Variants in AGMO observed in about 807,000 individuals in gnomAD.
AGMO encodes the protein glyceryl-ether monooxygenase.
Under a neutral mutation model 60.2 loss-of-function variants are expected in AGMO, and 75 were observed. The ratio of observed to expected loss-of-function variants is 1.25; its 90% CI spans 1.03 to 1.51. The LOEUF is 1.51. Ranked by LOEUF, AGMO falls within the 40% of genes most tolerant of loss-of-function variation. The pLI is 0.00. For missense variants in AGMO, 763 were observed against 525.5 expected (o/e 1.45, Z -4.42); for synonymous variants, 261 against 177.1 (o/e 1.47, Z -3.76).
Position 15,520,075 on chromosome 7 carries a change from C to T in AGMO, c.409+24697G>A, listed in dbSNP as rs1783938401. ...AGTCTCTGATAAAACATATTTTACA[C>T]CAACAAAGATCAAAAAAGACAAAGA... On this transcript the variant is annotated intron_variant, in intron 3 of 12. Transcript: ENST00000342526. 5.3e-5 allele frequency among the ~76,000 whole-genome samples: 8 copies of T among 150,190 alleles called. No individual in the cohort carries two copies. The South Asian group carries it at 1.7e-3, about 31-fold the overall frequency.
intron 12 of AGMO, among the ~76,000 whole-genome samples, chr7:15,287,050 T>C (rs914813138): frequency 1.3e-5 from 2 of 152,108 alleles, no homozygotes; most frequent in African/African-American, 4.8e-5. Context: ...CAGAGTGGTA[T>C]AATGGACTTT....
At chr7:15,133,779 T>G in the AGMO span, among the ~76,000 whole-genome samples, 3 of 152,028 alleles carry the variant, frequency 2.0e-5, no homozygotes, top group South Asian at 6.2e-4. Context: ...CAGGTGAGAG[T>G]TGGAGGTGAG....
chr7:15,549,553 A>G (rs1252507565), intron 2 of AGMO, among the ~76,000 whole-genome samples: 1 of 151,408 alleles, frequency 6.6e-6, no homozygotes, highest in Admixed American at 6.6e-5. Context: ...ACCAACAAAG[A>G]TCAAAAGAGA....
At chr7:15,371,278 T>C (rs1783201221) in intron 10 of AGMO, among the ~76,000 whole-genome samples, 1 of 152,172 alleles carries the variant, frequency 6.6e-6, no homozygotes, top group South Asian at 2.1e-4. Context: ...TGTAGTGTAA[T>C]GGCACCATCT....
intron 12 of AGMO, among the ~76,000 whole-genome samples, chr7:15,285,221 T>C (rs926931102): frequency 1.3e-5 from 2 of 151,528 alleles, no homozygotes; most frequent in African/African-American, 2.4e-5. Context: ...CCTGAAGTCC[T>C]AGCTAGAACA....
chr7:15,297,497 T>C (rs2128524458), intron 12 of AGMO, among the ~76,000 whole-genome samples: 1 of 152,276 alleles, frequency 6.6e-6, no homozygotes, highest in Admixed American at 6.5e-5. Flanking sequence ...AACATGCAGA[T>C]TTTGAAAGAA....
chr7:15,331,596 G>C (rs1583417009), intron 12 of AGMO, among the ~76,000 whole-genome samples: 2 of 151,990 alleles, frequency 1.3e-5, no homozygotes, highest in East Asian at 3.9e-4. Flanking sequence ...TCTCCTTTTT[G>C]GCTGAGATAG....
chr7:15,538,877 A>C (rs1784545228), intron 3 of AGMO, among the ~76,000 whole-genome samples: 1 of 152,176 alleles, frequency 6.6e-6, no homozygotes, highest in African/African-American at 2.4e-5. Flanking sequence ...TAACTACACA[A>C]AAATTGTGAT....
intron 12 of AGMO, among the ~76,000 whole-genome samples, chr7:15,332,359 G>A (rs920928261): frequency 5.9e-5 from 9 of 152,124 alleles, no homozygotes; most frequent in African/African-American, 7.2e-5. Context: ...CATCTAAACT[G>A]TTAAACGTAA....
intron 12 of AGMO, among the ~76,000 whole-genome samples, chr7:15,210,454 T>G (rs1781556776): frequency 6.6e-6 from 1 of 152,134 alleles, no homozygotes; most frequent in African/African-American, 2.4e-5. Flanking sequence ...TGTATTCACT[T>G]TCTGGATTTG....
chr7:15,132,813 C>T, the AGMO span, among the ~76,000 whole-genome samples: 1 of 152,178 alleles, frequency 6.6e-6, no homozygotes, highest in African/African-American at 2.4e-5. Flanking sequence ...AGGTTTTTCC[C>T]TTATTTGTTT....
rs115250650 is a variant in AGMO at position 15,353,268 on chromosome 7, T to C, written c.1263+12246A>G. Among the ~76,000 whole-genome samples, 499 of 152,310 alleles carry C rather than the reference T, an allele frequency of 3.3e-3. 2 individuals carry two copies. The highest frequency in any genetic ancestry group is 0.011 in the African/African-American group (458 of 41,554). On this transcript the variant is annotated intron_variant, in intron 12 of 12. Coordinates refer to ENST00000342526, the MANE Select transcript of AGMO (RefSeq NM_001004320.2). ...AATAATAGGACAGCCATGAAAAATGTAGAGATGTGTCAACAGGGTGGAAAC... is the reference window on the plus strand; with the variant it reads ...AATAATAGGACAGCCATGAAAAATGCAGAGATGTGTCAACAGGGTGGAAAC...
At chr7:15,222,949 C>T (rs1466134861) in intron 12 of AGMO, among the ~76,000 whole-genome samples, 2 of 151,710 alleles carry the variant, frequency 1.3e-5, no homozygotes, top group East Asian at 1.9e-4. Context: ...TACAATTTTT[C>T]CAAAATGTCT....
At chr7:15,238,485 C>T (rs73279614) in intron 12 of AGMO, among the ~76,000 whole-genome samples, 7,787 of 151,728 alleles carry the variant, frequency 0.051, 734 homozygotes, top group African/African-American at 0.18. Context: ...CTGATTTGAT[C>T]ATTATACATT....
At chr7:15,363,129 A>C (rs923381559) in intron 12 of AGMO, among the ~76,000 whole-genome samples, 7 of 152,182 alleles carry the variant, frequency 4.6e-5, no homozygotes, top group African/African-American at 1.7e-4. Flanking sequence ...CTCTTATAAA[A>C]CCTATTTTAC....
At chr7:15,446,973 G>A (rs1781714886) in intron 3 of AGMO, among the ~76,000 whole-genome samples, 1 of 152,106 alleles carries the variant, frequency 6.6e-6, no homozygotes, top group African/African-American at 2.4e-5. Flanking sequence ...GGCAATAAGT[G>A]ATCCCAATGA....
At chr7:15,291,511 T>A (rs1012589620) in intron 12 of AGMO, among the ~76,000 whole-genome samples, 3 of 152,154 alleles carry the variant, frequency 2.0e-5, no homozygotes, top group Non-Finnish European at 4.4e-5. Flanking sequence ...TGCTTAAATA[T>A]TAAGGAGAAA....
the AGMO span, among the ~76,000 whole-genome samples, chr7:15,146,583 G>T: frequency 6.6e-6 from 1 of 151,668 alleles, no homozygotes; most frequent in East Asian, 1.9e-4. Flanking sequence ...TATGTTAGTT[G>T]TCTTAGCTGA....
chr7:15,340,077 T>C (rs1781793356), intron 12 of AGMO, among the ~76,000 whole-genome samples: 1 of 152,186 alleles, frequency 6.6e-6, no homozygotes, highest in African/African-American at 2.4e-5. Context: ...TCCGATTTTT[T>C]TGGATTTGGA....
Sources: gnomAD v4.1 joint callset for allele counts (sites outside exome capture counted in the v4.1 genomes callset) on GRCh38, gnomAD v4.1.1 for gene constraint, MANE v1.5 for transcripts, NCBI Gene and HGNC (gene_info 2026-07-23, HGNC 2026-07-21) for gene names.